The following FAM25C variants were observed in gnomAD, a reference collection of about 807,000 sequenced individuals.
FAM25C encodes family with sequence similarity 25 member C, also known as protein FAM25C.
Under a neutral mutation model 9.6 loss-of-function variants are expected in FAM25C, and 4 were observed. The observed-to-expected ratio is 0.42, with a 90% CI of 0.20 to 0.95. FAM25C has a LOEUF of 0.95. Among genes scored for constraint, FAM25C ranks in the 40% least tolerant of loss-of-function variants. The pLI, the probability that FAM25C is intolerant of heterozygous loss-of-function variation, is 0.31. For missense variants in FAM25C, 38 were observed against 110.4 expected, an observed-to-expected ratio of 0.34 and a Z score of 2.94; for synonymous variants, 23 against 44.1, an observed-to-expected ratio of 0.52 and a Z score of 1.89.
chr10:47,997,202 A>G (rs868915996), intron 2 of FAM25C, among the ~76,000 whole-genome samples: 126 of 148,520 alleles, frequency 8.5e-4, no homozygotes, highest in African/African-American at 2.9e-3. Context: ...TCTGCCTCCC[A>G]GGTACACACC....
chr10:47,997,467 A>C (rs1225131564), intron 2 of FAM25C, among the ~76,000 whole-genome samples: 1 of 151,754 alleles, frequency 6.6e-6, no homozygotes, highest in African/African-American at 2.4e-5. Context: ...TTGTCTTCTT[A>C]TTCCACAGAG....
intron 2 of FAM25C, among the ~76,000 whole-genome samples, chr10:47,996,776 TCACA>T (rs1842806643): frequency 7.1e-6 from 1 of 141,576 alleles, no homozygotes; most frequent in East Asian, 2.0e-4. Flanking sequence ...TACTCATAGC[TCACA>T]CACATCAATT....
At chr10:47,998,786 G>T (rs574481243) in intron 1 of FAM25C, among the ~76,000 whole-genome samples, 1 of 143,108 alleles carries the variant, frequency 7.0e-6, no homozygotes, top group Non-Finnish European at 1.5e-5. Flanking sequence ...GCTAGTGAAA[G>T]GTTAAAGCAG....
At chr10:47,998,834 G>A (rs1391417830) in intron 1 of FAM25C, among the ~76,000 whole-genome samples, 9 of 135,310 alleles carry the variant, frequency 6.7e-5, no homozygotes, top group Non-Finnish European at 9.7e-5. Context: ...AACAAAATAC[G>A]CATCTGCTGC....
At chr10:47,997,025 G>A (rs1842810122) in intron 2 of FAM25C, among the ~76,000 whole-genome samples, 1 of 146,504 alleles carries the variant, frequency 6.8e-6, no homozygotes, top group Non-Finnish European at 1.5e-5. Flanking sequence ...TAGAGATGGG[G>A]TTTCACCGTG....
intron 1 of FAM25C, 139 bp from the exon 2 acceptor site, chr10:47,997,878 C>A (rs1842826415): frequency 6.2e-6 from 4 of 648,202 alleles, no homozygotes; most frequent in Middle Eastern, 4.1e-4. Context: ...CCCTCCCAGT[C>A]CAGGGTGAGG....
chr10:47,997,602 AAAG>A, intron 2 of FAM25C, 72 bp downstream of exon 2: 6 of 875,098 alleles, frequency 6.9e-6, no homozygotes, highest in Non-Finnish European at 1.1e-5. Flanking sequence ...CTGGTTAGTC[AAAG>A]AACAGGTTGG....
chr10:47,995,446 T>C lies in FAM25C; in HGVS notation c.202A>G (p.Thr68Ala). Residue 68 changes from threonine (T) to alanine (A), a missense_variant, in exon 3 of 3, where the codon ACA becomes GCA. Physicochemically the swap from Thr to Ala is moderately conservative, Grantham distance 58. Transcript: ENST00000617224. ...GCATTTGTGACTGTGTTGGTCACTG[T>C]CTCGGTGATTTCCTTCATCTTTTTG... is the stretch of plus-strand genomic sequence containing the variant. The part of the protein sequence containing the change: ...GDKKMKEITE[T>A]VTNTVTNAIT... The C allele has an allele frequency of 1.3e-6, 2 of 1,527,460 alleles. No individual in the cohort carries two copies. Among genetic ancestry groups the C allele is most frequent in the Non-Finnish European group, 1.8e-6 (2 of 1,140,458 alleles). The allele number at this position is 1,527,460 out of a possible 1,614,324, so 94.6% of individuals were successfully genotyped here.
At chr10:47,995,911 G>T (rs536499916) in intron 2 of FAM25C, among the ~76,000 whole-genome samples, 1 of 148,078 alleles carries the variant, frequency 6.8e-6, no homozygotes, top group African/African-American at 2.5e-5. Context: ...GAAAATTTCA[G>T]TTTTGGATTG....
At chr10:47,997,303 G>T (rs1842815367) in intron 2 of FAM25C, among the ~76,000 whole-genome samples, 2 of 147,234 alleles carry the variant, frequency 1.4e-5, no homozygotes, top group East Asian at 2.0e-4. Flanking sequence ...TAGAGACGGG[G>T]TTTCACCGTG....
chr10:47,997,232 C>A (rs557090069), intron 2 of FAM25C, among the ~76,000 whole-genome samples: 2 of 149,192 alleles, frequency 1.3e-5, no homozygotes, highest in East Asian at 4.0e-4. Context: ...CCTCAGCCTC[C>A]CAAGTAGCTG....
intron 2 of FAM25C, among the ~76,000 whole-genome samples, chr10:47,996,820 A>ATTTTTTTTTTTT (rs60497249): frequency 2.7e-5 from 2 of 75,034 alleles, no homozygotes; most frequent in African/African-American, 6.6e-5. Context: ...TTACATGTTA[A>ATTTTTTTTTTTT]TTTTTTTTTT....
intron 1 of FAM25C, among the ~76,000 whole-genome samples, 182 bp from the exon 2 acceptor site, chr10:47,997,921 A>T (rs1555256656): frequency 6.8e-6 from 1 of 147,316 alleles, no homozygotes; most frequent in Non-Finnish European, 1.5e-5. Context: ...CAACAGACCT[A>T]TACATCCCTG....
At chr10:47,997,109 G>A (rs533773644) in intron 2 of FAM25C, among the ~76,000 whole-genome samples, 12 of 146,206 alleles carry the variant, frequency 8.2e-5, no homozygotes, top group Middle Eastern at 3.8e-3. Flanking sequence ...GTGAGCCACC[G>A]CCCCCAGCAA....
At chr10:47,997,799 CAGGGTG>C (rs1171865030) in intron 1 of FAM25C, 60 bp from the exon 2 acceptor site, 1 of 1,529,916 alleles carries the variant, frequency 6.5e-7, no homozygotes, top group Non-Finnish European at 8.8e-7. Context: ...CCCCTGAGTC[CAGGGTG>C]AGGGTTCAGA....
intron 2 of FAM25C, among the ~76,000 whole-genome samples, chr10:47,996,820 ATT>A (rs60497249): frequency 0.021 from 1,531 of 74,422 alleles, 2 homozygotes; most frequent in East Asian, 0.038. Flanking sequence ...TTACATGTTA[ATT>A]TTTTTTTTTT....
intron 2 of FAM25C, among the ~76,000 whole-genome samples, chr10:47,997,474 A>C (rs1277330717): frequency 6.6e-6 from 1 of 151,756 alleles, no homozygotes; most frequent in Non-Finnish European, 1.5e-5. Flanking sequence ...CTTATTCCAC[A>C]GAGAGAACCA....
rs1439127708 is a variant in FAM25C, at chr10:47,995,479, A to T, written c.169T>A (p.Ser57Thr). The T allele has an allele frequency of 5.2e-6, 8 of 1,529,656 alleles. No homozygotes were observed. The highest frequency in any genetic ancestry group is 8.7e-7 in the Non-Finnish European group (1 of 1,144,324). The allele number at this position is 1,529,656 out of a possible 1,614,324, so 94.8% of individuals were successfully genotyped here. Reference sequence around the variant, plus strand: ...ATTTCCTTCATCTTTTTGTCCCCTGACTCCTGGGCTTTCTTTATGGCTTCA... The same window carrying T: ...ATTTCCTTCATCTTTTTGTCCCCTGTCTCCTGGGCTTTCTTTATGGCTTCA... ...IAEAIKKAQE[S>T]GDKKMKEITE... is the part of the protein sequence containing the mutation. Residue 57 changes from serine to threonine, a missense_variant, in exon 3 of 3, where the codon TCA becomes ACA. Around this residue, in one of 2 missense-constraint regions of FAM25C, gnomAD observed 30 missense variants for 53.0 expected, o/e 0.57. Coordinates refer to ENST00000617224, the MANE Select transcript of FAM25C (RefSeq NM_001137548.3).
chr10:47,995,794 T>C (rs1842792790), intron 2 of FAM25C, among the ~76,000 whole-genome samples: 1 of 150,930 alleles, frequency 6.6e-6, no homozygotes, highest in Non-Finnish European at 1.5e-5. Flanking sequence ...TTGACCATTT[T>C]TATATTGGGT....
Sources: gnomAD v4.1 joint callset for allele counts (sites outside exome capture counted in the v4.1 genomes callset) on GRCh38, gnomAD v4.1.1 for gene constraint, gnomAD v4.1.1 regional missense constraint, MANE v1.5 for transcripts, NCBI Gene and HGNC (gene_info 2026-07-23, HGNC 2026-07-21) for gene names.